SPTBN1: variants seen among roughly 807,000 people sequenced by gnomAD.
SPTBN1 encodes spectrin beta, non-erythrocytic 1.
SPTBN1 carries 32 observed loss-of-function variants against 266.4 expected under a neutral mutation model. The observed-to-expected ratio is 0.12, with a 90% CI of 0.09 to 0.16. The LOEUF is 0.16. Among genes scored for constraint, SPTBN1 ranks in the 10% least tolerant of loss-of-function variants. The pLI, the probability that SPTBN1 is intolerant of heterozygous loss-of-function variation, is 1.00. For missense variants in SPTBN1, 2,296 were observed against 3,067.1 expected, an observed-to-expected ratio of 0.75 and a Z score of 5.94; for synonymous variants, 1,336 against 1,162.2, an observed-to-expected ratio of 1.15 and a Z score of -3.04.
At chr2:54,552,784 T>C (rs536051656) in intron 2 of SPTBN1, among the ~76,000 whole-genome samples, 213 of 152,354 alleles carry the variant, frequency 1.4e-3, no homozygotes, top group African/African-American at 4.9e-3. Flanking sequence ...CTTTTTCTCC[T>C]GTAGCTTCAC....
chr2:54,665,752 T>C (rs2292358), intron 33 of SPTBN1, among the ~76,000 whole-genome samples, 163 bp from the exon 34 acceptor site: 2 of 152,350 alleles, frequency 1.3e-5, no homozygotes, highest in East Asian at 3.9e-4. Context: ...TTGTTTAGTG[T>C]TAGCAGAATT....
intron 3 of SPTBN1, among the ~76,000 whole-genome samples, chr2:54,610,528 G>C (rs1349885210): frequency 6.6e-6 from 1 of 152,172 alleles, no homozygotes; most frequent in Non-Finnish European, 1.5e-5. Context: ...GCCTCCCAAA[G>C]TGCTGGGATT....
In SPTBN1 at chr2:54,599,158, C is replaced by G; in HGVS notation, c.215C>G (p.Ser72Cys). The G allele has an allele frequency of 6.2e-7, 1 of 1,614,134 alleles. No homozygotes were observed. Reference sequence around the variant, plus strand: ...GTCAATTCCCACCTTGCCCGTGTGTCCTGCCGGATCACAGACCTGTACACT... The same window carrying G: ...GTCAATTCCCACCTTGCCCGTGTGTGCTGCCGGATCACAGACCTGTACACT... ...KWVNSHLARV[S>C]CRITDLYTDL... Residue 72 changes from serine to cysteine, a missense_variant, in exon 3 of 36, where the codon TCC (serine) becomes TGC (cysteine). Transcript: ENST00000356805.
chr2:54,619,122 TA>T (rs1220925736), intron 7 of SPTBN1, among the ~76,000 whole-genome samples: 1 of 152,214 alleles, frequency 6.6e-6, no homozygotes, highest in East Asian at 1.9e-4. Context: ...AGTGAAAGTT[TA>T]AAGTTCTTTT....
At chr2:54,581,040 G>T (rs1573460764) in intron 2 of SPTBN1, among the ~76,000 whole-genome samples, 1 of 152,038 alleles carries the variant, frequency 6.6e-6, no homozygotes, top group East Asian at 1.9e-4. Context: ...GGAGGTTGCA[G>T]TGAGCCACGA....
In SPTBN1 at chr2:54,540,510, A is replaced by G. The variant is rs1170525501; in HGVS notation, c.148+13944A>G. The G allele has an allele frequency of 1.3e-5, 2 of 152,234 alleles. No individual in the cohort carries two copies. The highest frequency in any genetic ancestry group is 3.8e-4 in the East Asian group (2 of 5,202). The allele number at this position is 152,234 out of a possible 1,614,324, so 9.4% of individuals were successfully genotyped here. A position where few individuals can be genotyped will look rare whatever the true frequency, so the allele number is the denominator to read the frequency against. ...AAGGTTTTTACCCTTTTTGGTTAAA[A>G]GAACTAAAGCTAAAGATTTCTTTAG... On this transcript the variant is annotated intron_variant, in intron 2 of 35. Transcript: ENST00000356805. The surrounding 1 kb of genome is among the most constrained non-coding windows in gnomAD (Gnocchi z 5.6).
intron 30 of SPTBN1, 80 bp downstream of exon 30, chr2:54,658,126 C>G: frequency 1.3e-6 from 2 of 1,526,360 alleles, no homozygotes; most frequent in Non-Finnish European, 1.8e-6. Flanking sequence ...CCAGGGAATT[C>G]ACACGATTGC....
Position 54,653,333 on chromosome 2 carries a change from G to A in SPTBN1, c.5578-276G>A, listed in dbSNP as rs1224203550. 1 of 385,802 alleles carries A rather than the reference G, an allele frequency of 2.6e-6. No individual in the cohort carries two copies. Among genetic ancestry groups the A allele is most frequent in the Admixed American group, 4.5e-5 (1 of 21,996 alleles). The allele number at this position is 385,802 out of a possible 1,614,324, so 23.9% of individuals were successfully genotyped here. ...CAGATATCCCAGGCTGCCTCCAGGG[G>A]ACTTTCCCTGACTAAACTCTCCTGC... is the stretch of plus-strand genomic sequence containing the variant. On this transcript the variant is annotated intron_variant, in intron 26 of 35. Coordinates refer to ENST00000356805, the MANE Select transcript of SPTBN1 (RefSeq NM_003128.3). This position sits in a 1 kb window ranked among gnomAD's most constrained non-coding sequence, Gnocchi z 5.1.
rs151010295 is a variant in SPTBN1, at chr2:54,555,721, G to A, written c.148+29155G>A. Among the ~76,000 whole-genome samples, 117 of 152,232 alleles carry A rather than the reference G, an allele frequency of 7.7e-4. 1 individual carries two copies. Among genetic ancestry groups the A allele is most frequent in the African/African-American group, 2.8e-3 (115 of 41,542 alleles). Reference sequence around the variant, plus strand: ...TTCGGGGCTTTCCTCCCAGCCTGACGGTTCCTTATCCTCCAGCCAAACTGC... The same window carrying A: ...TTCGGGGCTTTCCTCCCAGCCTGACAGTTCCTTATCCTCCAGCCAAACTGC... On this transcript the variant is annotated intron_variant, in intron 2 of 35. Transcript: ENST00000356805.
intron 7 of SPTBN1, among the ~76,000 whole-genome samples, chr2:54,620,832 T>C (rs546134154): frequency 6.6e-6 from 1 of 152,300 alleles, no homozygotes; most frequent in South Asian, 2.1e-4. Flanking sequence ...TTCTTCAGAC[T>C]GAGTAATTTT....
chr2:54,572,417 C>T (rs1469247427), intron 2 of SPTBN1, among the ~76,000 whole-genome samples: 2 of 152,174 alleles, frequency 1.3e-5, no homozygotes, highest in Admixed American at 6.5e-5. Flanking sequence ...CACAGCTTTT[C>T]TAACCGCGAG....
At chr2:54,456,791 C>G (rs1033804449) in intron 1 of SPTBN1, among the ~76,000 whole-genome samples, 1 of 150,822 alleles carries the variant, frequency 6.6e-6, no homozygotes, top group Non-Finnish European at 1.5e-5. Context: ...CGGCAGCAGA[C>G]CCGCCGTGCG....
At chr2:54,556,844 G>A (rs1464393404) in intron 2 of SPTBN1, among the ~76,000 whole-genome samples, 1 of 152,180 alleles carries the variant, frequency 6.6e-6, no homozygotes, top group Non-Finnish European at 1.5e-5. Flanking sequence ...TGACAGCTGA[G>A]GTTTAGAAAG....
intron 1 of SPTBN1, among the ~76,000 whole-genome samples, chr2:54,508,844 T>A (rs961710623): frequency 6.6e-6 from 1 of 152,164 alleles, no homozygotes; most frequent in Non-Finnish European, 1.5e-5. Context: ...CCGGCTTTCT[T>A]TGGAAGTAAA....
At chr2:54,647,824 C>T (rs899923746) in intron 24 of SPTBN1, among the ~76,000 whole-genome samples, 1 of 152,148 alleles carries the variant, frequency 6.6e-6, no homozygotes, top group South Asian at 2.1e-4. Context: ...GCCTGGGTGA[C>T]AGAGTGAGAC....
chr2:54,527,125 GCACACTTTCTC>G (rs1331970440), intron 2 of SPTBN1: 6 of 152,144 alleles, frequency 3.9e-5, no homozygotes, highest in Admixed American at 3.9e-4. Context: ...AACACCTAGA[GCACACTTTCTC>G]CATGGCCCCA....
intron 1 of SPTBN1, among the ~76,000 whole-genome samples, chr2:54,488,670 C>T (rs1233270022): frequency 6.6e-6 from 1 of 152,198 alleles, no homozygotes; most frequent in Middle Eastern, 3.4e-3. Context: ...TTCCCCTCCT[C>T]CCTTCACCAT....
intron 1 of SPTBN1, among the ~76,000 whole-genome samples, chr2:54,492,822 T>C (rs1668760917): frequency 6.6e-6 from 1 of 151,920 alleles, no homozygotes; most frequent in South Asian, 2.1e-4. Context: ...GAAAAGTTAA[T>C]AGAAATAATA....
chr2:54,614,236 C>T (rs1677421579), intron 4 of SPTBN1, among the ~76,000 whole-genome samples: 1 of 152,112 alleles, frequency 6.6e-6, no homozygotes, highest in South Asian at 2.1e-4. Flanking sequence ...TATGAATCAG[C>T]CAAGGCCCAG....
Sources: gnomAD v4.1 joint callset for allele counts (sites outside exome capture counted in the v4.1 genomes callset) on GRCh38, gnomAD v4.1.1 for gene constraint, Gnocchi (gnomAD v3.1) non-coding constraint, MANE v1.5 for transcripts, NCBI Gene and HGNC (gene_info 2026-07-23, HGNC 2026-07-21) for gene names.